Variants in SPTB observed in about 807,000 individuals in gnomAD.
SPTB encodes the protein spectrin beta, erythrocytic.
Under a neutral mutation model 256.2 loss-of-function variants are expected in SPTB, and 45 were observed. That is an observed-to-expected ratio of 0.18 (90% CI 0.14 to 0.23). SPTB has a LOEUF of 0.23. SPTB is among the 10% of genes least tolerant of loss of function. SPTB has a pLI of 1.00. For missense variants in SPTB, 2,715 were observed against 3,040.4 expected, an observed-to-expected ratio of 0.89 and a Z score of 2.52; for synonymous variants, 1,231 against 1,243.1, an observed-to-expected ratio of 0.99 and a Z score of 0.21.
At position 64,782,385 on chromosome 14, in the gene SPTB, G is replaced by C. The variant is rs2082487125; in HGVS notation, c.4171C>G (p.Leu1391Val). Residue 1391 changes from leucine (L) to valine (V), a missense_variant, in exon 20 of 36, where the codon CTC becomes GTC. Leu to Val is a conservative substitution (Grantham distance 32, BLOSUM62 1). Coordinates refer to ENST00000644917, the MANE Select transcript of SPTB (RefSeq NM_001355436.2). ...SDLRLQTHAD[L>V]NKWISAMEDQ... is the part of the protein sequence containing the mutation. ...TCCATGGCGCTGATCCACTTGTTGAGGTCAGCATGGGTCTGCAAGCGCAGG... is the reference window on the plus strand; with the variant it reads ...TCCATGGCGCTGATCCACTTGTTGACGTCAGCATGGGTCTGCAAGCGCAGG... 1 of 1,614,044 alleles carries C rather than the reference G, an allele frequency of 6.2e-7. No homozygotes were observed. The highest frequency in any genetic ancestry group is 1.3e-5 in the African/African-American group (1 of 74,910).
chr14:64,800,926 C>T (rs1359534330), intron 7 of SPTB, 58 bp from the exon 8 acceptor site: 8 of 1,383,564 alleles, frequency 5.8e-6, no homozygotes, highest in African/African-American at 5.7e-5. Context: ...AAGTCAGGCT[C>T]AGAGGGTTTA....
chr14:64,795,496 G>A lies in SPTB; in HGVS notation c.1485C>T (p.Asp495=), dbSNP rs2082751034. 1 of 1,614,174 alleles carries A rather than the reference G, an allele frequency of 6.2e-7. No homozygotes were observed. The highest frequency in any genetic ancestry group is 8.5e-7 in the Non-Finnish European group (1 of 1,180,030). ...AQELEKENYH[D]QKRITARKDN... is the part of the protein sequence containing the mutation. ...CCTTGCGGGCCGTGATGCGCTTCTG[G>A]TCATGGTAGTTCTCTTTCTCCAGCT... is the stretch of plus-strand genomic sequence containing the variant. The change falls in exon 12 of 36, where the codon GAC becomes GAT. Residue 495 remains aspartate (D), a synonymous_variant. Coordinates refer to ENST00000644917, the MANE Select transcript of SPTB (RefSeq NM_001355436.2). This position sits in a 1 kb window ranked among gnomAD's most constrained non-coding sequence, Gnocchi z 6.5.
intron 32 of SPTB, chr14:64,757,455 G>A (rs1029396122): frequency 6.6e-6 from 1 of 152,228 alleles, no homozygotes; most frequent in Non-Finnish European, 1.5e-5. Flanking sequence ...AAAATTATGT[G>A]GCCAGGTCAC....
chr14:64,826,079 C>A lies in SPTB; in HGVS notation c.-51-2934G>T, dbSNP rs1406062174. 6.6e-6 allele frequency among the ~76,000 whole-genome samples: 1 copy of A among 152,250 alleles called. No homozygotes were observed. The highest frequency in any genetic ancestry group is 2.4e-5 in the African/African-American group (1 of 41,464). ...AGTGAGGCCCCTTTCCTTGTGCCCT[C>A]TTCCCCTGCCATGCCCACCCCAGGC... On this transcript the variant is annotated intron_variant, in intron 1 of 35. Transcript: ENST00000644917. The surrounding 1 kb of genome is among the most constrained non-coding windows in gnomAD (Gnocchi z 4.4).
rs373473270 is a variant in SPTB, at chr14:64,771,033, C to A, written c.5650G>T (p.Ala1884Ser). ...IQNKEQEVSA[A>S]WQALLDACAG... ...CAGGCATCGAGCAGCGCCTGCCACGCGGCAGACACCTCCTGCTCCTTGTTC... is the reference window on the plus strand; with the variant it reads ...CAGGCATCGAGCAGCGCCTGCCACGAGGCAGACACCTCCTGCTCCTTGTTC... Residue 1884 changes from alanine (A) to serine (S), a missense_variant, in exon 27 of 36, where the codon GCG becomes TCG. Physicochemically the swap from Ala to Ser is moderately conservative, Grantham distance 99. Coordinates refer to ENST00000644917, the MANE Select transcript of SPTB (RefSeq NM_001355436.2). 7.4e-6 allele frequency: 12 copies of A among 1,614,062 alleles called. No homozygotes were observed. The South Asian group carries it at 1.3e-4, about 18-fold the overall frequency.
rs915099700 is a variant in SPTB, at chr14:64,807,208, C to G, written c.149-2118G>C. Among the ~76,000 whole-genome samples the G allele has an allele frequency of 2.6e-5, 4 of 152,192 alleles. No individual in the cohort carries two copies. Among genetic ancestry groups the G allele is most frequent in the Non-Finnish European group, 5.9e-5 (4 of 68,030 alleles). ...CTAAGGGGGGTGAAAGTTTTAGCCC[C>G]TTTAGAGGTAGGTGTCCCCCAAAGT... On this transcript the variant is annotated intron_variant, in intron 2 of 35. Coordinates refer to ENST00000644917, the MANE Select transcript of SPTB (RefSeq NM_001355436.2). This position sits in a 1 kb window ranked among gnomAD's most constrained non-coding sequence, Gnocchi z 4.7.
chr14:64,752,087 C>CT, intron 33 of SPTB: 1 of 1,007,532 alleles, frequency 9.9e-7, no homozygotes, highest in Non-Finnish European at 1.3e-6. Context: ...GAGTGAGACT[C>CT]TGTCTAAACA....
At position 64,793,905 on chromosome 14, in the gene SPTB, T is replaced by G; in HGVS notation, c.1796-38A>C. On this transcript the variant is annotated intron_variant, in intron 13 of 35. Transcript: ENST00000644917. This position sits in a 1 kb window ranked among gnomAD's most constrained non-coding sequence, Gnocchi z 7.0. ...GGGGGAAGGAGGACAAAGTGGGGGATGGGCTTCATTTATGGGCACGCTTCA... is the reference window on the plus strand; with the variant it reads ...GGGGGAAGGAGGACAAAGTGGGGGAGGGGCTTCATTTATGGGCACGCTTCA... 6 of 1,570,430 alleles carry G rather than the reference T, an allele frequency of 3.8e-6. No individual in the cohort carries two copies. The highest frequency in any genetic ancestry group is 5.2e-6 in the Non-Finnish European group (6 of 1,163,706).
rs534724456 is a variant in SPTB, at chr14:64,823,319, T to TGCAGCA, written c.-51-180_-51-175dup. On this transcript the variant is annotated intron_variant, in intron 1 of 35. Coordinates refer to ENST00000644917, the MANE Select transcript of SPTB (RefSeq NM_001355436.2). The surrounding 1 kb of genome is among the most constrained non-coding windows in gnomAD (Gnocchi z 6.5). ...CTCTGGGTCGTTTGTTATAAAATAT[T>TGCAGCA]GCAGCAGCAGCAGCAGCAACAGTAC... 8.5e-5 allele frequency among the ~76,000 whole-genome samples: 13 copies of TGCAGCA among 152,220 alleles called. No individual in the cohort carries two copies. The highest frequency in any genetic ancestry group is 3.1e-4 in the African/African-American group (13 of 41,530).
chr14:64,750,246 C>T, intron 33 of SPTB, 92 bp from the exon 34 acceptor site: 1 of 1,298,336 alleles, frequency 7.7e-7, no homozygotes, highest in Non-Finnish European at 1.1e-6. Flanking sequence ...AAAATTACAC[C>T]ATGTTTGTTC....
In SPTB at chr14:64,760,639, A is replaced by T. The variant is rs1489976630; in HGVS notation, c.6345+6087T>A. ...TGTTAGAATTCACATGGAGGATGCTACTTTTAAGAGATGAAGGACTGAGGT... is the reference window on the plus strand; with the variant it reads ...TGTTAGAATTCACATGGAGGATGCTTCTTTTAAGAGATGAAGGACTGAGGT... On this transcript the variant is annotated intron_variant, in intron 32 of 35. Coordinates refer to ENST00000644917, the MANE Select transcript of SPTB (RefSeq NM_001355436.2). This position sits in a 1 kb window ranked among gnomAD's most constrained non-coding sequence, Gnocchi z 4.3. Among the ~76,000 whole-genome samples the T allele has an allele frequency of 6.6e-6, 1 of 152,196 alleles. No individual in the cohort carries two copies. The highest frequency in any genetic ancestry group is 1.5e-5 in the Non-Finnish European group (1 of 68,028).
rs200141306 is a variant in SPTB at position 64,802,218 on chromosome 14, G to T, written c.566+8C>A. 2.5e-6 allele frequency: 4 copies of T among 1,613,958 alleles called. No individual in the cohort carries two copies. The highest frequency in any genetic ancestry group is 3.4e-6 in the Non-Finnish European group (4 of 1,179,906). On this transcript the variant is annotated splice_region_variant and intron_variant, in intron 5 of 35. Transcript: ENST00000644917. This position sits in a 1 kb window ranked among gnomAD's most constrained non-coding sequence, Gnocchi z 5.1. Reference sequence around the variant, plus strand: ...TGGATGTGCTAACAGCTGGTTCCCAGGGCATACCCTGCCGTCTTCATCTGA... The same window carrying T: ...TGGATGTGCTAACAGCTGGTTCCCATGGCATACCCTGCCGTCTTCATCTGA...
At chr14:64,805,989 C>A (rs1566776343) in intron 2 of SPTB, among the ~76,000 whole-genome samples, 3 of 152,242 alleles carry the variant, frequency 2.0e-5, no homozygotes, top group South Asian at 4.1e-4. Flanking sequence ...AAGCCCCTGG[C>A]CCATGCTGTA....
At chr14:64,781,784 T>C (rs2082476237) in intron 20 of SPTB, among the ~76,000 whole-genome samples, 1 of 152,198 alleles carries the variant, frequency 6.6e-6, no homozygotes, top group South Asian at 2.1e-4. Context: ...TGCAGCACTG[T>C]TCACAATACC....
At chr14:64,757,068 G>A (rs1410285665) in intron 32 of SPTB, 2 of 152,304 alleles carry the variant, frequency 1.3e-5, no homozygotes, top group African/African-American at 2.4e-5. Context: ...AGGGGCGGGA[G>A]TAGGTTCCAG....
At chr14:64,874,307 C>T (rs571973631) in intron 1 of SPTB, among the ~76,000 whole-genome samples, 1 of 152,200 alleles carries the variant, frequency 6.6e-6, no homozygotes, top group Admixed American at 6.5e-5. Flanking sequence ...CTCCTGTACA[C>T]CCTCTCTCTC....
Position 64,852,911 on chromosome 14 carries a change from T to C in SPTB, c.-52+26881A>G, listed in dbSNP as rs1222229086. Among the ~76,000 whole-genome samples, 2 of 152,184 alleles carry C rather than the reference T, an allele frequency of 1.3e-5. No individual in the cohort carries two copies. Among genetic ancestry groups the C allele is most frequent in the African/African-American group, 2.4e-5 (1 of 41,422 alleles). On this transcript the variant is annotated intron_variant, in intron 1 of 35. Coordinates refer to ENST00000644917, the MANE Select transcript of SPTB (RefSeq NM_001355436.2). This position sits in a 1 kb window ranked among gnomAD's most constrained non-coding sequence, Gnocchi z 4.2. ...CAAGGAAGACAAATAGCCAGTGAAT[T>C]ATTACAAATAATTATAATTTACACA...
In SPTB at chr14:64,767,986, T is replaced by C. The variant is rs567871501; in HGVS notation, c.6023-127A>G. The C allele has an allele frequency of 2.2e-4, 229 of 1,030,036 alleles. 2 individuals are homozygous for C. The South Asian group carries it at 2.8e-3, about 13-fold the overall frequency. The allele number at this position is 1,030,036 out of a possible 1,614,324, so 63.8% of individuals were successfully genotyped here. ...AATAGGTGTCCCTAAACCACATGGATACGCTTGCTGCCTGCAGCCACCCCA... is the reference window on the plus strand; with the variant it reads ...AATAGGTGTCCCTAAACCACATGGACACGCTTGCTGCCTGCAGCCACCCCA... On this transcript the variant is annotated intron_variant, in intron 29 of 35. Coordinates refer to ENST00000644917, the MANE Select transcript of SPTB (RefSeq NM_001355436.2).
chr14:64,797,708 T>A, intron 10 of SPTB, 21 bp downstream of exon 10: 1 of 1,546,286 alleles, frequency 6.5e-7, no homozygotes, highest in South Asian at 1.1e-5. Context: ...TGTCAATGCA[T>A]AACGGAAAAT....
Sources: gnomAD v4.1 joint callset for allele counts (sites outside exome capture counted in the v4.1 genomes callset) on GRCh38, gnomAD v4.1.1 for gene constraint, Gnocchi (gnomAD v3.1) non-coding constraint, MANE v1.5 for transcripts, NCBI Gene and HGNC (gene_info 2026-07-23, HGNC 2026-07-21) for gene names.